The following CDH7 variants were observed in gnomAD, a reference collection of about 807,000 sequenced individuals.
CDH7 encodes cadherin 7, also known as cadherin-7.
CDH7 carries 25 observed loss-of-function variants against 71.8 expected under a neutral mutation model. The observed-to-expected ratio is 0.35, with a 90% CI of 0.25 to 0.49. The LOEUF is 0.49. Among genes scored for constraint, CDH7 ranks in the 20% least tolerant of loss-of-function variants. The pLI is 0.99. For synonymous variants in CDH7, 381 were observed against 363.8 expected (o/e 1.05, Z -0.54); for missense variants, 862 against 974.6 (o/e 0.88, Z 1.54).
intron 6 of CDH7, among the ~76,000 whole-genome samples, chr18:65,832,864 T>C (rs756108848): frequency 6.6e-6 from 1 of 152,114 alleles, no homozygotes; most frequent in South Asian, 2.1e-4. Flanking sequence ...TCAATATAAG[T>C]CTTCAGTTGT....
chr18:65,784,113 A>ATTTTTTTTT lies in CDH7; in HGVS notation c.210+21072_210+21080dup, dbSNP rs72393865. Among the ~76,000 whole-genome samples the ATTTTTTTTT allele has an allele frequency of 9.2e-4, 98 of 106,740 alleles. 2 individuals are homozygous for ATTTTTTTTT. Among genetic ancestry groups the ATTTTTTTTT allele is most frequent in the African/African-American group, 1.6e-3 (42 of 27,030 alleles). The allele number at this position is 106,740 out of a possible 152,430, so 70.0% of individuals were successfully genotyped here. Reference sequence around the variant, plus strand: ...AACACAGGCATTACCACCCACAGCTATTTTTTTTTTTTTTTTTTTGTAGAG... The same window carrying ATTTTTTTTT: ...AACACAGGCATTACCACCCACAGCTATTTTTTTTTTTTTTTTTTTTTTTTTTTTGTAGAG... On this transcript the variant is annotated intron_variant, in intron 2 of 11. Coordinates refer to ENST00000397968, the MANE Select transcript of CDH7 (RefSeq NM_004361.5).
chr18:65,773,034 C>A (rs538363815), intron 2 of CDH7, among the ~76,000 whole-genome samples: 64 of 152,204 alleles, frequency 4.2e-4, no homozygotes, highest in African/African-American at 1.5e-3. Flanking sequence ...CTGGGTACAT[C>A]GATAAAGTCC....
intron 1 of CDH7, among the ~76,000 whole-genome samples, chr18:65,756,239 A>G (rs73963782): frequency 0.034 from 5,190 of 152,244 alleles, 326 homozygotes; most frequent in African/African-American, 0.12. Flanking sequence ...TTTTGGTGCT[A>G]TTATTCCAAC....
chr18:65,859,021 T>C lies in CDH7; in HGVS notation c.1469T>C (p.Val490Ala). 2 of 1,613,538 alleles carry C rather than the reference T, an allele frequency of 1.2e-6. No homozygotes were observed. Among genetic ancestry groups the C allele is most frequent in the Non-Finnish European group, 1.7e-6 (2 of 1,179,548 alleles). The change falls in exon 9 of 12, where the codon GTC (valine) becomes GCC (alanine). Residue 490 changes from valine (V) to alanine (A), a missense_variant. Val to Ala is a moderately conservative substitution (Grantham distance 64, BLOSUM62 0). Transcript: ENST00000397968. ...PEFAMDYETTVCENAQPGQVI... is the reference protein window; with the variant it reads ...PEFAMDYETTACENAQPGQVI... Reference sequence around the variant, plus strand: ...TTTGCCATGGACTATGAGACCACCGTCTGTGAAAATGCCCAGCCGGGGCAG... The same window carrying C: ...TTTGCCATGGACTATGAGACCACCGCCTGTGAAAATGCCCAGCCGGGGCAG...
chr18:65,859,352 A>G (rs544174397), intron 9 of CDH7, among the ~76,000 whole-genome samples: 1 of 152,264 alleles, frequency 6.6e-6, no homozygotes, highest in East Asian at 1.9e-4. Context: ...TTCCTACCTT[A>G]CCCAACCGGG....
intron 2 of CDH7, among the ~76,000 whole-genome samples, chr18:65,798,901 C>T (rs573055390): frequency 1.3e-5 from 2 of 152,192 alleles, no homozygotes; most frequent in Admixed American, 6.5e-5. Flanking sequence ...GGGAGGCTTT[C>T]GTGACGTGCC....
chr18:65,764,871 A>T (rs955349336), intron 2 of CDH7, among the ~76,000 whole-genome samples: 11 of 152,052 alleles, frequency 7.2e-5, no homozygotes, highest in Non-Finnish European at 1.5e-5. Flanking sequence ...AATAATTCAG[A>T]ATGCTTATTC....
intron 6 of CDH7, among the ~76,000 whole-genome samples, chr18:65,829,362 C>T (rs982522816): frequency 6.6e-6 from 1 of 151,848 alleles, no homozygotes; most frequent in African/African-American, 2.4e-5. Flanking sequence ...TTGTGATCCG[C>T]CCGCCTGGTC....
At chr18:65,845,868 A>G (rs1912917016) in intron 7 of CDH7, among the ~76,000 whole-genome samples, 1 of 152,020 alleles carries the variant, frequency 6.6e-6, no homozygotes, top group Non-Finnish European at 1.5e-5. Context: ...GACTGCAGTG[A>G]GCTACAATTG....
At chr18:65,840,919 AGT>A (rs1912709348) in intron 6 of CDH7, among the ~76,000 whole-genome samples, 1 of 151,994 alleles carries the variant, frequency 6.6e-6, no homozygotes, top group Non-Finnish European at 1.5e-5. Context: ...GTATAATCTT[AGT>A]AATTAATTCT....
intron 11 of CDH7, among the ~76,000 whole-genome samples, chr18:65,878,591 A>T (rs1254527094): frequency 6.6e-6 from 1 of 152,168 alleles, no homozygotes; most frequent in African/African-American, 2.4e-5. Flanking sequence ...TGAATACCAG[A>T]CTACTTATGG....
chr18:65,852,155 G>C (rs902485533), intron 7 of CDH7, among the ~76,000 whole-genome samples: 1 of 144,392 alleles, frequency 6.9e-6, no homozygotes, highest in African/African-American at 2.9e-5. Flanking sequence ...AAGCAGAGGG[G>C]TGAAAAAAAA....
At chr18:65,787,325 T>C (rs1239510660) in intron 2 of CDH7, among the ~76,000 whole-genome samples, 2 of 152,204 alleles carry the variant, frequency 1.3e-5, no homozygotes, top group African/African-American at 4.8e-5. Context: ...CTGTTCCAAA[T>C]TATTGCTTCT....
At chr18:65,830,725 CTCTTTCTT>C (rs10681636) in intron 6 of CDH7, among the ~76,000 whole-genome samples, 1 of 130,654 alleles carries the variant, frequency 7.7e-6, no homozygotes, top group Non-Finnish European at 1.6e-5. Flanking sequence ...TTCTCTCTCT[CTCTTTCTT>C]TCTTTCTTTC....
chr18:65,773,232 A>G (rs74345313), intron 2 of CDH7, among the ~76,000 whole-genome samples: 5,378 of 152,254 alleles, frequency 0.035, 296 homozygotes, highest in African/African-American at 0.12. Context: ...TAAATTGTAT[A>G]ATTTTGGTCC....
chr18:65,773,166 A>G (rs1382207814), intron 2 of CDH7, among the ~76,000 whole-genome samples: 1 of 152,190 alleles, frequency 6.6e-6, no homozygotes, highest in Non-Finnish European at 1.5e-5. Context: ...CAACAGTCAT[A>G]CAACAGCTCT....
chr18:65,814,700 C>A (rs1911663065), intron 4 of CDH7, 96 bp downstream of exon 4: 1 of 1,020,106 alleles, frequency 9.8e-7, no homozygotes, highest in Non-Finnish European at 1.4e-6. Context: ...AATAACATAC[C>A]ATTTTATTAT....
intron 2 of CDH7, among the ~76,000 whole-genome samples, chr18:65,794,722 G>A (rs920286172): frequency 3.3e-5 from 5 of 152,070 alleles, no homozygotes; most frequent in African/African-American, 1.2e-4. Flanking sequence ...GAGGAGATGG[G>A]TGGGAGTGGA....
chr18:65,815,285 G>A (rs1445947215), intron 4 of CDH7, among the ~76,000 whole-genome samples: 1 of 152,130 alleles, frequency 6.6e-6, no homozygotes, highest in African/African-American at 2.4e-5. Flanking sequence ...CTGGTCCTGT[G>A]TGTGTAGGGA....
Sources: allele counts gnomAD v4.1 joint callset (sites outside exome capture counted in the v4.1 genomes callset), GRCh38; gene constraint gnomAD v4.1.1; transcripts MANE v1.5; gene names NCBI Gene and HGNC (gene_info 2026-07-23, HGNC 2026-07-21).